Variants in DLGAP2 observed in about 807,000 individuals in gnomAD.
The protein encoded by DLGAP2 is DLG associated protein 2.
Under a neutral mutation model 100.3 loss-of-function variants are expected in DLGAP2, and 26 were observed. The ratio of observed to expected loss-of-function variants is 0.26; its 90% CI spans 0.19 to 0.36. The LOEUF (loss-of-function observed/expected upper bound fraction) is 0.36, where lower values mean the gene tolerates loss of function less well. DLGAP2 is among the 10% of genes least tolerant of loss of function. The pLI is 1.00. For synonymous variants in DLGAP2, 886 were observed against 630.1 expected, an observed-to-expected ratio of 1.41 and a Z score of -6.08; for missense variants, 1,858 against 1,453.2, an observed-to-expected ratio of 1.28 and a Z score of -4.53.
chr8:830,761 C>G (rs1251830447), intron 1 of DLGAP2, among the ~76,000 whole-genome samples: 1 of 151,994 alleles, frequency 6.6e-6, no homozygotes, highest in Non-Finnish European at 1.5e-5. Context: ...ATTTACAATT[C>G]AAGTATTTTT....
At chr8:903,374 C>G (rs577046534) in intron 1 of DLGAP2, among the ~76,000 whole-genome samples, 2 of 151,864 alleles carry the variant, frequency 1.3e-5, no homozygotes, top group Non-Finnish European at 1.5e-5. Context: ...CAGAGCCCCC[C>G]GGGCAGCACC....
At chr8:1,358,598 C>A (rs183882357) in intron 3 of DLGAP2, among the ~76,000 whole-genome samples, 13 of 152,274 alleles carry the variant, frequency 8.5e-5, no homozygotes, top group African/African-American at 3.1e-4. Flanking sequence ...AAGAGGCCTG[C>A]AGTGAAAGCA....
chr8:785,612 A>G (rs375507303), intron 1 of DLGAP2, among the ~76,000 whole-genome samples: 88 of 25,258 alleles, frequency 3.5e-3, no homozygotes, highest in African/African-American at 9.1e-3. Context: ...CTCCCCTCAG[A>G]CCCCTCTGAG....
intron 3 of DLGAP2, among the ~76,000 whole-genome samples, chr8:1,344,096 C>CTGTCGTGGGTCCATGTATTCGGGGCCG (rs1801485532): frequency 6.7e-6 from 1 of 149,638 alleles, no homozygotes; most frequent in Non-Finnish European, 1.5e-5. Context: ...ACTCGGGGCC[C>CTGTCGTGGGTCCATGTATTCGGGGCCG]TGTCGTGGGT....
intron 3 of DLGAP2, among the ~76,000 whole-genome samples, chr8:1,409,708 T>C (rs13273639): frequency 0.35 from 53,192 of 151,690 alleles, 9,891 homozygotes; most frequent in East Asian, 0.65. Context: ...CCAGTGCAGG[T>C]GGGCCTCCCC....
At chr8:1,285,559 A>G (rs1799905550) in intron 3 of DLGAP2, among the ~76,000 whole-genome samples, 1 of 152,242 alleles carries the variant, frequency 6.6e-6, no homozygotes, top group South Asian at 2.1e-4. Flanking sequence ...GCCCACGTGA[A>G]CAAGACACAC....
At chr8:1,471,600 ACC>A (rs2130201461) in intron 3 of DLGAP2, among the ~76,000 whole-genome samples, 1 of 129,822 alleles carries the variant, frequency 7.7e-6, no homozygotes, top group East Asian at 2.2e-4. Flanking sequence ...ACCTCCTCTC[ACC>A]TCCTGCCCAC....
chr8:1,087,923 C>T (rs1430622116), intron 2 of DLGAP2, among the ~76,000 whole-genome samples: 1 of 152,262 alleles, frequency 6.6e-6, no homozygotes, highest in African/African-American at 2.4e-5. Context: ...CACCCTGGCA[C>T]AGTCCGCCCT....
chr8:887,999 CCTT>C lies in DLGAP2; in HGVS notation c.19-19910_19-19908del, dbSNP rs377428476. Among the ~76,000 whole-genome samples, 368 of 152,262 alleles carry C rather than the reference CCTT, an allele frequency of 2.4e-3. 3 individuals carry two copies. Among genetic ancestry groups the C allele is most frequent in the African/African-American group, 8.0e-3 (334 of 41,530 alleles). On this transcript the variant is annotated intron_variant, in intron 1 of 14. Transcript: ENST00000637795. The stretch of plus-strand genomic sequence containing the variant: ...CAGCTTGTTTCCATTCTTCCTGTCT[CCTT>C]CTGGTACTCCAATCAATCGTAGGTT...
chr8:1,371,536 G>T (rs557410351), intron 3 of DLGAP2, among the ~76,000 whole-genome samples: 1 of 152,312 alleles, frequency 6.6e-6, no homozygotes, highest in Admixed American at 6.5e-5. Flanking sequence ...TCTGTAATTG[G>T]AAATCTCTTC....
intron 6 of DLGAP2, among the ~76,000 whole-genome samples, chr8:1,577,329 G>C (rs1241281675): frequency 6.6e-6 from 1 of 152,166 alleles, no homozygotes; most frequent in Non-Finnish European, 1.5e-5. Context: ...AGCACTTTGG[G>C]AGGCCAAGGT....
In DLGAP2 at chr8:1,177,579, A is replaced by G. The variant is rs143043223; in HGVS notation, c.74-81272A>G. ...TTTACTCTTAGATGACTTTTATTTC[A>G]TTACATTTCAACCTCAGAGAAAATA... is the stretch of plus-strand genomic sequence containing the variant. On this transcript the variant is annotated intron_variant, in intron 2 of 14. Coordinates refer to ENST00000637795, the MANE Select transcript of DLGAP2 (RefSeq NM_001346810.2). 3.7e-4 allele frequency among the ~76,000 whole-genome samples: 56 copies of G among 152,260 alleles called. 1 individual carries two copies. In the East Asian group the frequency reaches 7.1e-3, roughly 19 times the overall value.
chr8:1,066,428 A>C (rs1268910408), intron 2 of DLGAP2, among the ~76,000 whole-genome samples: 1 of 147,772 alleles, frequency 6.8e-6, no homozygotes, highest in Admixed American at 6.7e-5. Context: ...GTCAGGTCTG[A>C]GTGAGGGCAG....
intron 2 of DLGAP2, among the ~76,000 whole-genome samples, chr8:960,235 A>AACTTTTTTTTTTTTTTTTTTT (rs1799691008): frequency 1.2e-4 from 1 of 8,348 alleles, no homozygotes; most frequent in African/African-American, 4.3e-4. Flanking sequence ...CCTGAAGTAT[A>AACTTTTTTTTTTTTTTTTTTT]TCTTTTTTTT....
chr8:873,681 G>C (rs1319847907), intron 1 of DLGAP2, among the ~76,000 whole-genome samples: 1 of 151,964 alleles, frequency 6.6e-6, no homozygotes, highest in Non-Finnish European at 1.5e-5. Context: ...AGTAATATTG[G>C]CCTGATAAAA....
intron 2 of DLGAP2, among the ~76,000 whole-genome samples, chr8:948,715 C>G (rs1167243776): frequency 6.6e-6 from 1 of 152,278 alleles, no homozygotes; most frequent in Non-Finnish European, 1.5e-5. Flanking sequence ...CAGCGCAGCC[C>G]AGGCCACCCT....
intron 2 of DLGAP2, among the ~76,000 whole-genome samples, chr8:1,110,891 G>A (rs1804935843): frequency 1.3e-5 from 2 of 152,016 alleles, no homozygotes; most frequent in Admixed American, 1.3e-4. Flanking sequence ...TGTCTGTGGG[G>A]CCCTTCCCTG....
rs1281185729 is a variant in DLGAP2 at position 1,334,155 on chromosome 8, GT to G, written c.106+75274del. Reference sequence around the variant, plus strand: ...GTGAGTCTGAGAGCTCCTCAGTGAGGTTCTGGACATTCTGATGGGCTGCCTT... The same window carrying G: ...GTGAGTCTGAGAGCTCCTCAGTGAGGTCTGGACATTCTGATGGGCTGCCTT... On this transcript the variant is annotated intron_variant, in intron 3 of 14. Coordinates refer to ENST00000637795, the MANE Select transcript of DLGAP2 (RefSeq NM_001346810.2). Among the ~76,000 whole-genome samples, 2 of 152,228 alleles carry G rather than the reference GT, an allele frequency of 1.3e-5. 1 individual carries two copies. The highest frequency in any genetic ancestry group is 2.9e-5 in the Non-Finnish European group (2 of 68,036).
intron 1 of DLGAP2, among the ~76,000 whole-genome samples, chr8:752,854 CCCTCCAAGAAGGCGA>C (rs1820826760): frequency 6.6e-6 from 1 of 152,148 alleles, no homozygotes; most frequent in Non-Finnish European, 1.5e-5. Context: ...CCACTCCTGC[CCCTCCAAGAAGGCGA>C]CCTCTGGGGT....
Sources: allele counts gnomAD v4.1 joint callset (sites outside exome capture counted in the v4.1 genomes callset), GRCh38; gene constraint gnomAD v4.1.1; transcripts MANE v1.5; gene names NCBI Gene and HGNC (gene_info 2026-07-23, HGNC 2026-07-21).